The following PKHD1L1 variants were observed in gnomAD, a reference collection of about 807,000 sequenced individuals.
PKHD1L1 encodes fibrocystin-L.
A neutral mutation model predicts 462.9 loss-of-function variants in PKHD1L1; 434 were observed. The ratio of observed to expected loss-of-function variants is 0.94; its 90% CI spans 0.87 to 1.02. PKHD1L1 has a LOEUF of 1.02. Among genes scored for constraint, PKHD1L1 ranks in the 50% least tolerant of loss-of-function variants. PKHD1L1 has a pLI of 0.00. For synonymous variants in PKHD1L1, 1,781 were observed against 1,750.0 expected (o/e 1.02, Z -0.44); for missense variants, 5,202 against 5,096.1 (o/e 1.02, Z -0.63).
At chr8:109,413,291 C>A (rs2130607970) in intron 20 of PKHD1L1, 130 bp from the exon 21 acceptor site, 1 of 615,940 alleles carries the variant, frequency 1.6e-6, no homozygotes, top group Non-Finnish European at 2.4e-6. Flanking sequence ...TCATTTATTT[C>A]TCTGTGTTCT....
At chr8:109,458,825 T>TTG (rs759648650) in intron 46 of PKHD1L1, among the ~76,000 whole-genome samples, 13 of 152,254 alleles carry the variant, frequency 8.5e-5, no homozygotes, top group Admixed American at 1.3e-4. Flanking sequence ...ATTGACACAC[T>TTG]TGTCTCCTTA....
intron 2 of PKHD1L1, among the ~76,000 whole-genome samples, chr8:109,373,793 G>A (rs932984221): frequency 2.0e-5 from 3 of 152,144 alleles, no homozygotes; most frequent in Admixed American, 1.3e-4. Flanking sequence ...AGGTTGTTCA[G>A]TTTCCATGTA....
chr8:109,501,878 T>C (rs1246659951), intron 67 of PKHD1L1, among the ~76,000 whole-genome samples: 3 of 152,142 alleles, frequency 2.0e-5, no homozygotes, highest in African/African-American at 4.8e-5. Flanking sequence ...TATCCACATA[T>C]TTTTTCCTGA....
intron 50 of PKHD1L1, among the ~76,000 whole-genome samples, chr8:109,472,466 T>A (rs1249676860): frequency 6.6e-6 from 1 of 152,206 alleles, no homozygotes; most frequent in East Asian, 1.9e-4. Context: ...TTTAGCTTTC[T>A]TGTCACGTTT....
chr8:109,471,242 C>T, intron 50 of PKHD1L1: 1 of 539,768 alleles, frequency 1.9e-6, no homozygotes, highest in East Asian at 3.3e-5. Context: ...TTTATGAGTT[C>T]TTCTTTTTTA....
chr8:109,405,127 A>T lies in PKHD1L1; in HGVS notation c.1666A>T (p.Thr556Ser). 6.9e-7 allele frequency: 1 copy of T among 1,453,200 alleles called. No individual in the cohort carries two copies. Among genetic ancestry groups the T allele is most frequent in the Non-Finnish European group, 9.4e-7 (1 of 1,062,264 alleles). 90.0% of individuals were successfully genotyped at this position (1,453,200 alleles called of 1,614,324 possible). A position where few individuals can be genotyped will look rare whatever the true frequency, so the allele number is the denominator to read the frequency against. The change falls in exon 16 of 78, where the codon ACT (threonine) becomes TCT (serine). Residue 556 changes from threonine to serine, a missense_variant. This residue lies in a region of PKHD1L1 where 4,497 missense variants were observed against 4,336.8 expected (regional missense o/e 1.04). Coordinates refer to ENST00000378402, the MANE Select transcript of PKHD1L1 (RefSeq NM_177531.6). ...TAGATTAATCTATAATATGGAAAAA[A>T]CTGGTAAGTTATAAATAATAAGGGA... ...QYRLIYNMEK[T>S]VFLPADASEF...
At chr8:109,527,647 C>T (rs1820886699) in intron 77 of PKHD1L1, among the ~76,000 whole-genome samples, 1 of 152,088 alleles carries the variant, frequency 6.6e-6, no homozygotes, top group East Asian at 1.9e-4. Context: ...CTTAGAAGTC[C>T]AGAAGTTGTC....
At chr8:109,504,942 T>G (rs961119856) in intron 68 of PKHD1L1, among the ~76,000 whole-genome samples, 1 of 152,084 alleles carries the variant, frequency 6.6e-6, no homozygotes, top group African/African-American at 2.4e-5. Context: ...GGTGCTATCA[T>G]GGCTCACTGC....
chr8:109,396,941 C>A (rs901249225), intron 11 of PKHD1L1, among the ~76,000 whole-genome samples: 2 of 152,262 alleles, frequency 1.3e-5, no homozygotes, highest in South Asian at 2.1e-4. Flanking sequence ...TATTAAGCAA[C>A]CTCATGTAAT....
intron 59 of PKHD1L1, among the ~76,000 whole-genome samples, chr8:109,489,333 T>A (rs1237912180): frequency 6.6e-6 from 1 of 151,924 alleles, no homozygotes; most frequent in Non-Finnish European, 1.5e-5. Context: ...TTATGGGAAT[T>A]AAACCCCATA....
At chr8:109,452,490 T>C (rs1030189146) in intron 42 of PKHD1L1, among the ~76,000 whole-genome samples, 10 of 151,902 alleles carry the variant, frequency 6.6e-5, no homozygotes, top group Non-Finnish European at 1.3e-4. Context: ...TGTGGGGTAA[T>C]TGGTAATAGA....
intron 22 of PKHD1L1, 151 bp from the exon 23 acceptor site, chr8:109,420,367 A>T: frequency 2.1e-6 from 1 of 480,608 alleles, no homozygotes; most frequent in Non-Finnish European, 3.5e-6. Flanking sequence ...ACTTGATTTT[A>T]AATACTTCAT....
chr8:109,391,223 TG>T (rs1454552691), intron 9 of PKHD1L1, among the ~76,000 whole-genome samples: 1 of 152,190 alleles, frequency 6.6e-6, no homozygotes, highest in Non-Finnish European at 1.5e-5. Flanking sequence ...TGTTACCCAC[TG>T]GGAAAATGAG....
chr8:109,522,609 AATT>A (rs1397784745), intron 74 of PKHD1L1, 132 bp from the exon 75 acceptor site: 44 of 992,296 alleles, frequency 4.4e-5, no homozygotes, highest in Non-Finnish European at 6.2e-5. Flanking sequence ...GAAATATTGT[AATT>A]ATATTAATTT....
At position 109,381,415 on chromosome 8, in the gene PKHD1L1, A is replaced by C. The variant is rs1563721702; in HGVS notation, c.209A>C (p.Glu70Ala). 6.3e-7 allele frequency: 1 copy of C among 1,583,540 alleles called. No individual in the cohort carries two copies. Among genetic ancestry groups the C allele is most frequent in the Non-Finnish European group, 8.6e-7 (1 of 1,163,030 alleles). The change falls in exon 3 of 78, where the codon GAG (glutamate) becomes GCG (alanine). Residue 70 changes from glutamate to alanine, a missense_variant. Coordinates refer to ENST00000378402, the MANE Select transcript of PKHD1L1 (RefSeq NM_177531.6). The stretch of plus-strand genomic sequence containing the variant: ...TTTAACTATGGAGTTGATAACGCTG[A>C]GTTGGGAAACAGTGTGCAATTAATT... ...NQFNYGVDNAELGNSVQLISS... is the reference protein window; with the variant it reads ...NQFNYGVDNAALGNSVQLISS...
chr8:109,377,180 T>C (rs1325135767), intron 2 of PKHD1L1, among the ~76,000 whole-genome samples: 3 of 152,226 alleles, frequency 2.0e-5, no homozygotes, highest in African/African-American at 7.2e-5. Context: ...GTAGTAATGA[T>C]TGCTTTGTTG....
intron 59 of PKHD1L1, 136 bp downstream of exon 59, chr8:109,486,957 C>T (rs1268885935): frequency 3.7e-6 from 3 of 804,210 alleles, no homozygotes; most frequent in Non-Finnish European, 5.6e-6. Flanking sequence ...ATTATGTAGC[C>T]CAGTTTTTAC....
intron 62 of PKHD1L1, 30 bp downstream of exon 62, chr8:109,492,024 A>G (rs1466639602): frequency 7.2e-7 from 1 of 1,383,420 alleles, no homozygotes; most frequent in African/African-American, 1.5e-5. Flanking sequence ...AATTATACTA[A>G]TTTATAATTA....
At chr8:109,383,353 T>G (rs1586398146) in intron 4 of PKHD1L1, among the ~76,000 whole-genome samples, 1 of 112,614 alleles carries the variant, frequency 8.9e-6, no homozygotes, top group African/African-American at 3.6e-5. Flanking sequence ...TATTTTATAT[T>G]ATATATTATA....
Sources: allele counts gnomAD v4.1 joint callset (sites outside exome capture counted in the v4.1 genomes callset), GRCh38; gene constraint gnomAD v4.1.1; regional missense constraint gnomAD v4.1.1; transcripts MANE v1.5; gene names NCBI Gene and HGNC (gene_info 2026-07-23, HGNC 2026-07-21).